PTPN4: variants seen among roughly 807,000 people sequenced by gnomAD.
The protein encoded by PTPN4 is tyrosine-protein phosphatase non-receptor type 4.
In PTPN4, 49 loss-of-function variants were observed where a neutral mutation model predicts 135.5. That is an observed-to-expected ratio of 0.36 (90% confidence interval 0.29 to 0.46). The LOEUF (loss-of-function observed/expected upper bound fraction) is 0.46. Ranked by LOEUF, PTPN4 falls within the 20% of genes least tolerant of loss-of-function variation. The pLI, the probability that PTPN4 is intolerant of heterozygous loss-of-function variation, is 1.00. For synonymous variants in PTPN4, 333 were observed against 369.9 expected (o/e 0.90, Z 1.14); for missense variants, 860 against 1,101.0 (o/e 0.78, Z 3.10).
chr2:119,890,059 A>G (rs955434892), intron 9 of PTPN4, among the ~76,000 whole-genome samples: 2 of 152,032 alleles, frequency 1.3e-5, no homozygotes, highest in African/African-American at 4.8e-5. Flanking sequence ...TTTAAGTCCA[A>G]TGTTTCTTTA....
intron 11 of PTPN4, among the ~76,000 whole-genome samples, chr2:119,918,992 A>G (rs1678699341): frequency 1.3e-5 from 2 of 152,332 alleles, no homozygotes; most frequent in South Asian, 2.1e-4. Flanking sequence ...GATTCCATGT[A>G]TGTACAATAA....
rs1403136551 is a variant in PTPN4, at chr2:119,965,594, A to G, written c.2507A>G (p.His836Arg). 1 of 1,614,058 alleles carries G rather than the reference A, an allele frequency of 6.2e-7. No homozygotes were observed. Among genetic ancestry groups the G allele is most frequent in the African/African-American group, 1.3e-5 (1 of 74,934 alleles). ...AGTGACTTTCTAGATTTTGTTTGTC[A>G]TGTACGAAACAAGAGGGCTGGCAAG... ...DSSDFLDFVC[H>R]VRNKRAGKEE... The change falls in exon 25 of 27, where the codon CAT becomes CGT. Residue 836 changes from histidine (H) to arginine (R), a missense_variant. Transcript: ENST00000263708.
intron 26 of PTPN4, among the ~76,000 whole-genome samples, chr2:119,973,671 T>TG (rs1330284758): frequency 1.5e-4 from 21 of 139,914 alleles, no homozygotes; most frequent in Non-Finnish European, 1.1e-4. Context: ...TTTTTTTTTT[T>TG]TTTTTTTTTT....
At chr2:119,959,949 A>G (rs1261106518) in intron 22 of PTPN4, among the ~76,000 whole-genome samples, 1 of 152,168 alleles carries the variant, frequency 6.6e-6, no homozygotes, top group Admixed American at 6.5e-5. Context: ...TTACTCATCA[A>G]ACATCATCTT....
chr2:119,884,864 G>A (rs191456250), intron 8 of PTPN4, among the ~76,000 whole-genome samples: 79 of 152,210 alleles, frequency 5.2e-4, no homozygotes, highest in South Asian at 1.2e-3. Context: ...CCCTTTTCTA[G>A]TAGCATTAGT....
chr2:119,899,267 GTTC>G (rs1678369420), intron 9 of PTPN4, among the ~76,000 whole-genome samples: 1 of 152,152 alleles, frequency 6.6e-6, no homozygotes, highest in African/African-American at 2.4e-5. Context: ...TTATGGGACT[GTTC>G]GGAGTTAATT....
chr2:119,829,699 AT>A (rs1476630099), intron 2 of PTPN4, among the ~76,000 whole-genome samples: 2 of 152,020 alleles, frequency 1.3e-5, no homozygotes, highest in Non-Finnish European at 2.9e-5. Flanking sequence ...GGTATACCAC[AT>A]TTTGTTTACT....
intron 12 of PTPN4, among the ~76,000 whole-genome samples, chr2:119,921,907 T>C (rs1191180743): frequency 1.3e-5 from 2 of 152,194 alleles, no homozygotes; most frequent in African/African-American, 4.8e-5. Flanking sequence ...TTACCCTCTG[T>C]TCAAATTCTT....
intron 8 of PTPN4, among the ~76,000 whole-genome samples, chr2:119,883,877 T>C (rs983722633): frequency 3.9e-5 from 6 of 152,226 alleles, no homozygotes; most frequent in Non-Finnish European, 5.9e-5. Context: ...CTTTTACTAA[T>C]AACTCATGTA....
At chr2:119,856,342 A>G (rs1677680722) in intron 2 of PTPN4, among the ~76,000 whole-genome samples, 1 of 152,198 alleles carries the variant, frequency 6.6e-6, no homozygotes, top group Non-Finnish European at 1.5e-5. Context: ...TTTAAAGCAG[A>G]GGGAGCCATT....
In PTPN4 at chr2:119,763,467, C is replaced by G. The variant is rs559702644; in HGVS notation, c.-18+3083C>G. On this transcript the variant is annotated intron_variant, in intron 1 of 26. Coordinates refer to ENST00000263708, the MANE Select transcript of PTPN4 (RefSeq NM_002830.4). Reference sequence around the variant, plus strand: ...GGGGCTTTTCATGTTGTCCCACTCACCAAGTATGCTTTATGAGGTAGGTAT... The same window carrying G: ...GGGGCTTTTCATGTTGTCCCACTCAGCAAGTATGCTTTATGAGGTAGGTAT... Among the ~76,000 whole-genome samples, 19 of 152,216 alleles carry G rather than the reference C, an allele frequency of 1.2e-4. No homozygotes were observed. The South Asian group carries it at 2.3e-3, about 18-fold the overall frequency.
At chr2:119,975,950 T>C (rs1208020436) in intron 26 of PTPN4, among the ~76,000 whole-genome samples, 1 of 151,426 alleles carries the variant, frequency 6.6e-6, no homozygotes, top group African/African-American at 2.4e-5. Context: ...TCCATCCCTT[T>C]ATAAGAAACT....
intron 11 of PTPN4, among the ~76,000 whole-genome samples, chr2:119,918,622 T>C (rs1411299404): frequency 6.6e-6 from 1 of 152,122 alleles, no homozygotes; most frequent in East Asian, 1.9e-4. Flanking sequence ...AAACCAGTGG[T>C]TGGTGAATAT....
chr2:119,923,247 A>G (rs1242905426), intron 12 of PTPN4, among the ~76,000 whole-genome samples: 1 of 151,936 alleles, frequency 6.6e-6, no homozygotes, highest in Non-Finnish European at 1.5e-5. Flanking sequence ...TTTGGCACAC[A>G]CCTGTAGTCC....
At chr2:119,907,175 C>T (rs1218134772) in intron 10 of PTPN4, among the ~76,000 whole-genome samples, 1 of 152,180 alleles carries the variant, frequency 6.6e-6, no homozygotes, top group African/African-American at 2.4e-5. Context: ...AGAAAAACAT[C>T]TCATACTCAT....
At chr2:119,900,857 A>G in intron 10 of PTPN4, 51 bp downstream of exon 10, 1 of 1,088,560 alleles carries the variant, frequency 9.2e-7, no homozygotes, top group South Asian at 1.6e-5. Flanking sequence ...TACTAAATAT[A>G]ATAATTTATA....
intron 2 of PTPN4, among the ~76,000 whole-genome samples, chr2:119,851,319 A>C (rs1164622703): frequency 1.3e-5 from 2 of 152,170 alleles, no homozygotes; most frequent in Non-Finnish European, 2.9e-5. Flanking sequence ...ATATGGTAGA[A>C]AAAGAGACTG....
At position 119,875,082 on chromosome 2, in the gene PTPN4, T is replaced by A. The variant is rs534833139; in HGVS notation, c.247-2241T>A. Among the ~76,000 whole-genome samples the A allele has an allele frequency of 7.3e-4, 111 of 152,354 alleles. 1 individual carries two copies. Among genetic ancestry groups the A allele is most frequent in the African/African-American group, 2.6e-3 (107 of 41,584 alleles). On this transcript the variant is annotated intron_variant, in intron 3 of 26. Coordinates refer to ENST00000263708, the MANE Select transcript of PTPN4 (RefSeq NM_002830.4). ...TTCCTTGATTGTGAACTTGCATTCT[T>A]ATTCATTGCCTGTTTTTCTATTAGT...
chr2:119,808,289 C>T (rs187254058), intron 1 of PTPN4, among the ~76,000 whole-genome samples: 97 of 152,254 alleles, frequency 6.4e-4, no homozygotes, highest in African/African-American at 2.2e-3. Context: ...GTCAAATTGT[C>T]CCTGTTTGCA....
Sources: gnomAD v4.1 joint callset for allele counts (sites outside exome capture counted in the v4.1 genomes callset) on GRCh38, gnomAD v4.1.1 for gene constraint, MANE v1.5 for transcripts, NCBI Gene and HGNC (gene_info 2026-07-23, HGNC 2026-07-21) for gene names.